ENTREP2: variants seen among roughly 807,000 people sequenced by gnomAD.
ENTREP2 encodes the protein protein ENTREP2.
At chr15:29,291,736 AT>A in the ENTREP2 span, among the ~76,000 whole-genome samples, 1 of 152,042 alleles carries the variant, frequency 6.6e-6, no homozygotes, top group Non-Finnish European at 1.5e-5. Flanking sequence ...TTTTATTGTC[AT>A]TTTAATGGTG....
the ENTREP2 span, chr15:29,233,667 G>C: frequency 4.3e-5 from 42 of 985,134 alleles, no homozygotes; most frequent in South Asian, 5.4e-4. Flanking sequence ...AGCTATGGAT[G>C]GATGGGCATA....
the ENTREP2 span, among the ~76,000 whole-genome samples, chr15:29,611,671 A>G: frequency 6.6e-6 from 1 of 151,672 alleles, no homozygotes; most frequent in Non-Finnish European, 1.5e-5. Context: ...TTTTCCTTCC[A>G]GTGTCATCTC....
At chr15:29,619,605 G>A in the ENTREP2 span, among the ~76,000 whole-genome samples, 1 of 152,060 alleles carries the variant, frequency 6.6e-6, no homozygotes, top group Non-Finnish European at 1.5e-5. Context: ...GTACTGAAAA[G>A]TGCCTGTGAA....
At chr15:29,551,680 T>C in the ENTREP2 span, among the ~76,000 whole-genome samples, 1 of 141,046 alleles carries the variant, frequency 7.1e-6, no homozygotes, top group East Asian at 2.1e-4. Flanking sequence ...TGCTGAATTA[T>C]CAAATGCCTA....
chr15:29,574,053 G>A, the ENTREP2 span, among the ~76,000 whole-genome samples: 1 of 152,144 alleles, frequency 6.6e-6, no homozygotes, highest in Non-Finnish European at 1.5e-5. Flanking sequence ...ACAGAAAGAA[G>A]GGAAGGAGAA....
At chr15:29,369,315 G>T in the ENTREP2 span, among the ~76,000 whole-genome samples, 2 of 152,142 alleles carry the variant, frequency 1.3e-5, no homozygotes, top group African/African-American at 2.4e-5. Flanking sequence ...AGGCCAAAGA[G>T]AGAAGCTTGA....
At chr15:29,352,563 C>T in the ENTREP2 span, among the ~76,000 whole-genome samples, 1 of 152,144 alleles carries the variant, frequency 6.6e-6, no homozygotes. Context: ...TAACCGCTCG[C>T]CTGTCACCTG....
chr15:29,430,318 T>C, the ENTREP2 span, among the ~76,000 whole-genome samples: 2 of 152,052 alleles, frequency 1.3e-5, no homozygotes, highest in Admixed American at 6.5e-5. Flanking sequence ...GGCCTTGCAG[T>C]TTTATCTTAA....
the ENTREP2 span, among the ~76,000 whole-genome samples, chr15:29,600,439 C>CCATCATGATCAT: frequency 7.1e-6 from 1 of 141,700 alleles, no homozygotes; most frequent in Non-Finnish European, 1.5e-5. Flanking sequence ...TTCTCTCCCA[C>CCATCATGATCAT]CATCATCATC....
chr15:29,196,628 GA>G, the ENTREP2 span: 1 of 1,511,400 alleles, frequency 6.6e-7, no homozygotes, highest in East Asian at 2.5e-5. Flanking sequence ...GGGTACGCGT[GA>G]GTGACACAGT....
chr15:29,145,696 A>G, the ENTREP2 span, among the ~76,000 whole-genome samples: 1 of 151,728 alleles, frequency 6.6e-6, no homozygotes. Flanking sequence ...GATCAACAGC[A>G]TCTATGAAAA....
chr15:29,219,614 AATATATATATATATATATAT>A, the ENTREP2 span, among the ~76,000 whole-genome samples: 3,004 of 38,362 alleles, frequency 0.078, 159 homozygotes, highest in Non-Finnish European at 0.12. Context: ...GTGGTGCATA[AATATATATATATATATATAT>A]ATATATATAT....
chr15:29,518,615 G>C, the ENTREP2 span, among the ~76,000 whole-genome samples: 1 of 152,124 alleles, frequency 6.6e-6, no homozygotes, highest in Admixed American at 6.5e-5. Context: ...CTGAATCCAG[G>C]GTAGACAGCC....
At chr15:29,233,691 T>C in the ENTREP2 span, 2 of 1,169,808 alleles carry the variant, frequency 1.7e-6, no homozygotes, top group Non-Finnish European at 2.6e-6. Flanking sequence ...CATCTCCTGT[T>C]GCACGCACTC....
chr15:29,259,455 A>G, the ENTREP2 span, among the ~76,000 whole-genome samples: 3 of 152,180 alleles, frequency 2.0e-5, no homozygotes, highest in South Asian at 4.1e-4. Context: ...CAAGGCTGCC[A>G]AAAGAGTTTA....
the ENTREP2 span, among the ~76,000 whole-genome samples, chr15:29,564,012 A>C: frequency 6.6e-6 from 1 of 152,158 alleles, no homozygotes; most frequent in Admixed American, 6.5e-5. Context: ...TTCACTGAAT[A>C]AATGTTGCAT....
At chr15:29,414,144 C>T in the ENTREP2 span, among the ~76,000 whole-genome samples, 47 of 152,210 alleles carry the variant, frequency 3.1e-4, no homozygotes, top group Admixed American at 7.2e-4. Context: ...CTGCACCAAG[C>T]GGACCTAATA....
the ENTREP2 span, among the ~76,000 whole-genome samples, chr15:29,294,987 G>GT: frequency 6.6e-6 from 1 of 152,176 alleles, no homozygotes; most frequent in Non-Finnish European, 1.5e-5. Flanking sequence ...AAGGATGGAG[G>GT]GGGATGTGCA....
At chr15:29,230,186 C>T in the ENTREP2 span, among the ~76,000 whole-genome samples, 14 of 152,290 alleles carry the variant, frequency 9.2e-5, no homozygotes, top group Non-Finnish European at 1.8e-4. Context: ...TTGGATCCTT[C>T]ATAATCTCTT....
Sources: gnomAD v4.1 joint callset for allele counts (sites outside exome capture counted in the v4.1 genomes callset) on GRCh38, gnomAD v4.1.1 for gene constraint, MANE v1.5 for transcripts, NCBI Gene and HGNC (gene_info 2026-07-23, HGNC 2026-07-21) for gene names.